Variants in SENP1 observed in about 807,000 individuals in gnomAD.
SENP1 encodes the protein sentrin-specific protease 1.
In SENP1, 21 loss-of-function variants were observed where a neutral mutation model predicts 93.0. The ratio of observed to expected loss-of-function variants is 0.23; its 90% CI spans 0.16 to 0.33. The LOEUF (loss-of-function observed/expected upper bound fraction) is 0.33, where lower values mean the gene tolerates loss of function less well. Ranked by LOEUF, SENP1 falls within the 10% of genes least tolerant of loss-of-function variation. The probability of loss-of-function intolerance (pLI) is 1.00; values close to 1 mark genes in which losing one functional copy is unlikely to be tolerated. For missense variants in SENP1, 591 were observed against 758.7 expected, an observed-to-expected ratio of 0.78 and a Z score of 2.60; for synonymous variants, 256 against 259.6, an observed-to-expected ratio of 0.99 and a Z score of 0.13.
chr12:48,051,982 G>C (rs752957904), intron 13 of SENP1, among the ~76,000 whole-genome samples: 5 of 152,148 alleles, frequency 3.3e-5, no homozygotes, highest in Non-Finnish European at 7.4e-5. Context: ...GTGGCTCTTG[G>C]TGCTTAAGGA....
At chr12:48,048,529 A>AT (rs1463042727) in intron 14 of SENP1, among the ~76,000 whole-genome samples, 9 of 152,222 alleles carry the variant, frequency 5.9e-5, no homozygotes, top group Admixed American at 5.9e-4. Flanking sequence ...AAATAGTTTT[A>AT]TTAACACATT....
intron 13 of SENP1, among the ~76,000 whole-genome samples, chr12:48,050,965 C>T (rs137940345): frequency 6.6e-6 from 1 of 151,496 alleles, no homozygotes; most frequent in African/African-American, 2.4e-5. Context: ...AGGACTGAAG[C>T]AGGAGGTGAA....
At chr12:48,055,921 T>A (rs1241271279) in intron 13 of SENP1, among the ~76,000 whole-genome samples, 4 of 138,632 alleles carry the variant, frequency 2.9e-5, no homozygotes, top group Non-Finnish European at 4.6e-5. Flanking sequence ...TTATATATTA[T>A]ACATTACTAT....
At position 48,074,550 on chromosome 12, in the gene SENP1, T is replaced by A. The variant is rs1401888458; in HGVS notation, c.714A>T (p.Gly238=). 6.2e-7 allele frequency: 1 copy of A among 1,613,792 alleles called. No individual in the cohort carries two copies. The highest frequency in any genetic ancestry group is 1.3e-5 in the African/African-American group (1 of 75,060). ...NTLKDSLFKN[G]NSCASQIIGS... is the part of the protein sequence containing the mutation. ...CAATGATCTGAGATGCACAAGAGTT[T>A]CCATTTTTAAACAGTGAGTCTTTCA... Residue 238 remains glycine (G), a synonymous_variant, in exon 8 of 18, where the codon GGA becomes GGT. Transcript: ENST00000549518.
chr12:48,085,263 C>T (rs761385903), intron 5 of SENP1: 2 of 1,553,372 alleles, frequency 1.3e-6, no homozygotes, highest in Admixed American at 3.4e-5. Context: ...CCTCATCAAC[C>T]AGTACATCGC....
At position 48,069,950 on chromosome 12, in the gene SENP1, T is replaced by C. The variant is rs376264899; in HGVS notation, c.995+1717A>G. ...ACTCTTAATCTTCTCAACGGAAAAC[T>C]GATATTATTCTCATCCTAGCAATTG... On this transcript the variant is annotated intron_variant, in intron 9 of 17. Coordinates refer to ENST00000549518, the MANE Select transcript of SENP1 (RefSeq NM_001267594.2). 2.7e-4 allele frequency among the ~76,000 whole-genome samples: 41 copies of C among 152,330 alleles called. No individual in the cohort carries two copies. In the East Asian group the frequency reaches 6.0e-3, roughly 22 times the overall value.
At position 48,070,622 on chromosome 12, in the gene SENP1, AAAGT is replaced by A. The variant is rs567710728; in HGVS notation, c.995+1041_995+1044del. The stretch of plus-strand genomic sequence containing the variant: ...TCAGTAAATATTTGTTAAAAGTGAG[AAAGT>A]GAGGCTTGTGAAAGAAGTGCTTTGT... On this transcript the variant is annotated intron_variant, in intron 9 of 17. Coordinates refer to ENST00000549518, the MANE Select transcript of SENP1 (RefSeq NM_001267594.2). Among the ~76,000 whole-genome samples the A allele has an allele frequency of 8.5e-5, 13 of 152,296 alleles. No individual in the cohort carries two copies. The South Asian group carries it at 2.7e-3, about 32-fold the overall frequency.
At position 48,105,974 on chromosome 12, in the gene SENP1, T is replaced by C. The variant is rs1219782089; in HGVS notation, c.-45+54A>G. On this transcript the variant is annotated intron_variant, in intron 1 of 17. Transcript: ENST00000549518. ...GCTGACCGGGTCCGACACAGTCTCCTGGACCAGGCTCCCTCCATCCTCACC... is the reference window on the plus strand; with the variant it reads ...GCTGACCGGGTCCGACACAGTCTCCCGGACCAGGCTCCCTCCATCCTCACC... 7.1e-6 allele frequency: 5 copies of C among 699,534 alleles called. No individual in the cohort carries two copies. The Admixed American group carries it at 1.0e-4, about 14-fold the overall frequency. The allele number at this position is 699,534 out of a possible 1,614,324, so 43.3% of individuals were successfully genotyped here.
In SENP1 at chr12:48,045,238, G is replaced by T; in HGVS notation, c.*84C>A. 8.8e-7 allele frequency: 1 copy of T among 1,135,570 alleles called. No individual in the cohort carries two copies. Among genetic ancestry groups the T allele is most frequent in the Non-Finnish European group, 1.3e-6 (1 of 755,414 alleles). The allele number at this position is 1,135,570 out of a possible 1,614,324, so 70.3% of individuals were successfully genotyped here. Reference sequence around the variant, plus strand: ...GGGTGTTACAACAGCAGAGGGCTGGGAGCAGCTGTTTCCAAGGTCTCTGGC... The same window carrying T: ...GGGTGTTACAACAGCAGAGGGCTGGTAGCAGCTGTTTCCAAGGTCTCTGGC... On this transcript the variant is annotated 3_prime_UTR_variant, in exon 18 of 18. Coordinates refer to ENST00000549518, the MANE Select transcript of SENP1 (RefSeq NM_001267594.2).
intron 6 of SENP1, among the ~76,000 whole-genome samples, chr12:48,078,472 C>G (rs1482724644): frequency 9.3e-5 from 14 of 151,100 alleles, no homozygotes; most frequent in Non-Finnish European, 5.9e-5. Flanking sequence ...TTGGTGGAGT[C>G]TGTAGGGTTT....
intron 14 of SENP1, among the ~76,000 whole-genome samples, chr12:48,048,607 T>G (rs1277754343): frequency 6.6e-6 from 1 of 152,216 alleles, no homozygotes; most frequent in Non-Finnish European, 1.5e-5. Flanking sequence ...ATGATTAGGC[T>G]GAAAATAACA....
Position 48,074,620 on chromosome 12 carries a change from G to T in SENP1, c.657-13C>A, listed in dbSNP as rs370906164. The T allele has an allele frequency of 2.5e-5, 40 of 1,609,348 alleles. No homozygotes were observed. Among genetic ancestry groups the T allele is most frequent in the Non-Finnish European group, 3.3e-5 (39 of 1,176,922 alleles). On this transcript the variant is annotated splice_polypyrimidine_tract_variant and intron_variant, in intron 7 of 17. Coordinates refer to ENST00000549518, the MANE Select transcript of SENP1 (RefSeq NM_001267594.2). ...AAGACATCGAGACCTAGCAAGAGAA[G>T]AATATTGTTTCAATATCAAGTAATA...
chr12:48,055,088 G>C (rs1221574890), intron 13 of SENP1: 1 of 224,852 alleles, frequency 4.4e-6, no homozygotes, highest in Non-Finnish European at 9.3e-6. Context: ...CAGTCGCCGT[G>C]GTATTTTCTT....
chr12:48,057,896 C>T (rs1942669316), intron 13 of SENP1, among the ~76,000 whole-genome samples: 1 of 147,162 alleles, frequency 6.8e-6, no homozygotes, highest in South Asian at 2.2e-4. Flanking sequence ...TGTGCCTAGC[C>T]TTAAATATGT....
At chr12:48,086,932 G>A (rs369108343) in intron 5 of SENP1, among the ~76,000 whole-genome samples, 10 of 152,028 alleles carry the variant, frequency 6.6e-5, no homozygotes, top group African/African-American at 1.2e-4. Context: ...CCAGCTACTC[G>A]GAAGGCTGAG....
At chr12:48,059,407 A>G (rs1004469928) in intron 13 of SENP1, among the ~76,000 whole-genome samples, 5 of 152,094 alleles carry the variant, frequency 3.3e-5, no homozygotes, top group Non-Finnish European at 7.3e-5. Context: ...TATTTCAGAT[A>G]TATTTTTCAT....
intron 9 of SENP1, among the ~76,000 whole-genome samples, chr12:48,069,050 G>A (rs537054273): frequency 6.7e-6 from 1 of 149,600 alleles, no homozygotes; most frequent in Non-Finnish European, 1.5e-5. Context: ...CTACCCTGGA[G>A]GGTAAGGCAC....
At chr12:48,105,404 G>A (rs1312495717) in intron 1 of SENP1, 1 of 519,062 alleles carries the variant, frequency 1.9e-6, no homozygotes, top group Admixed American at 1.9e-5. Flanking sequence ...GGAATTACCA[G>A]GAGGCGATGA....
chr12:48,072,906 A>C (rs1943808720), intron 8 of SENP1, among the ~76,000 whole-genome samples: 1 of 151,928 alleles, frequency 6.6e-6, no homozygotes, highest in South Asian at 2.1e-4. Context: ...TCCTCCCCCC[A>C]CAGATAAGGG....
Sources: allele counts gnomAD v4.1 joint callset (sites outside exome capture counted in the v4.1 genomes callset), GRCh38; gene constraint gnomAD v4.1.1; transcripts MANE v1.5; gene names NCBI Gene and HGNC (gene_info 2026-07-23, HGNC 2026-07-21).